Variants in RABL6 observed in about 807,000 individuals in gnomAD.
RABL6 encodes the protein RAB, member RAS oncogene family like 6.
Under a neutral mutation model 72.9 loss-of-function variants are expected in RABL6, and 28 were observed. That is an observed-to-expected ratio of 0.38 (90% CI 0.28 to 0.53). RABL6 has a LOEUF of 0.53. Ranked by LOEUF, RABL6 falls within the 20% of genes least tolerant of loss-of-function variation. The pLI is 0.80. For missense variants in RABL6, 1,029 were observed against 1,008.4 expected (o/e 1.02, Z -0.28); for synonymous variants, 477 against 421.2 (o/e 1.13, Z -1.62).
In RABL6 at chr9:136,826,325, A is replaced by G. The variant is rs756963316; in HGVS notation, c.313+499A>G. ...CATCGTTGGTCTCCTCCTCAGCCAC[A>G]AGGTCATGAGTTCCTCTAAGTCCTC... On this transcript the variant is annotated intron_variant, in intron 3 of 14. Coordinates refer to ENST00000311502, the MANE Select transcript of RABL6 (RefSeq NM_024718.5). This position sits in a 1 kb window ranked among gnomAD's most constrained non-coding sequence, Gnocchi z 4.9. Among the ~76,000 whole-genome samples, 1 of 152,074 alleles carries G rather than the reference A, an allele frequency of 6.6e-6. No homozygotes were observed. The highest frequency in any genetic ancestry group is 2.4e-5 in the African/African-American group (1 of 41,414).
intron 13 of RABL6, 82 bp downstream of exon 13, chr9:136,839,947 C>T (rs192407820): frequency 5.4e-5 from 82 of 1,530,136 alleles, no homozygotes; most frequent in African/African-American, 2.9e-4. Flanking sequence ...GGCCGCTGGC[C>T]GGGGTCCTCT....
chr9:136,831,783 T>TG lies in RABL6; in HGVS notation c.524dup (p.Asn176LysfsTer18). 6.2e-7 allele frequency: 1 copy of TG among 1,613,452 alleles called. No individual in the cohort carries two copies. The highest frequency in any genetic ancestry group is 8.5e-7 in the Non-Finnish European group (1 of 1,179,818). ...CCCACCCACGTGCCAGTGTGCGTGC[T>TG]GGGAAACTACCGGGACATGGGCGAG... On this transcript the variant is annotated frameshift_variant, in exon 6 of 15. Coordinates refer to ENST00000311502, the MANE Select transcript of RABL6 (RefSeq NM_024718.5). LOFTEE classifies it high-confidence loss of function.
chr9:136,815,146 C>G (rs1377692299), intron 1 of RABL6: 1 of 313,852 alleles, frequency 3.2e-6, no homozygotes, highest in African/African-American at 2.3e-5. Context: ...AGTCATCCTC[C>G]TCCTCATCGC....
At chr9:136,821,864 C>T (rs1206470021) in intron 1 of RABL6, 1 of 1,248,830 alleles carries the variant, frequency 8.0e-7, no homozygotes, top group Non-Finnish European at 1.0e-6. Context: ...AGCGCGGAGC[C>T]TCCTGGCTGC....
intron 5 of RABL6, among the ~76,000 whole-genome samples, chr9:136,829,838 C>T (rs1213266115): frequency 6.6e-6 from 1 of 152,240 alleles, no homozygotes; most frequent in African/African-American, 2.4e-5. Context: ...GTCTTCATGA[C>T]CTAGGAGGAC....
intron 3 of RABL6, 40 bp from the exon 4 acceptor site, chr9:136,828,454 A>C (rs1471633578): frequency 6.2e-7 from 1 of 1,608,582 alleles, no homozygotes; most frequent in Non-Finnish European, 8.5e-7. Context: ...CCCAAGGCCC[A>C]GGGGTTCCAC....
intron 7 of RABL6, chr9:136,833,615 C>T (rs1326062634): frequency 6.7e-7 from 1 of 1,487,642 alleles, no homozygotes; most frequent in Admixed American, 2.1e-5. Context: ...TGGGCTGCCC[C>T]AGCTGGGTCT....
intron 8 of RABL6, 112 bp downstream of exon 8, chr9:136,835,957 G>A: frequency 9.3e-7 from 1 of 1,069,604 alleles, no homozygotes; most frequent in Non-Finnish European, 1.4e-6. Context: ...CCCTGTTTGG[G>A]GTAAATTAGT....
intron 1 of RABL6, among the ~76,000 whole-genome samples, chr9:136,816,732 G>C (rs550760139): frequency 2.2e-4 from 31 of 141,924 alleles, no homozygotes; most frequent in South Asian, 7.4e-4. Flanking sequence ...AAAGGGGGGG[G>C]GGGTAATTTT....
Position 136,826,080 on chromosome 9 carries a change from G to A in RABL6, c.313+254G>A, listed in dbSNP as rs1848350294. The stretch of plus-strand genomic sequence containing the variant: ...GTGACCGCGTGCACGGTGGCGGCAG[G>A]TGCAGCCGGGGGGTGTGCTTTGAGC... On this transcript the variant is annotated intron_variant, in intron 3 of 14. Transcript: ENST00000311502. This position sits in a 1 kb window ranked among gnomAD's most constrained non-coding sequence, Gnocchi z 4.9. Among the ~76,000 whole-genome samples the A allele has an allele frequency of 6.6e-6, 1 of 152,322 alleles. No individual in the cohort carries two copies. The highest frequency in any genetic ancestry group is 1.9e-4 in the East Asian group (1 of 5,182).
chr9:136,828,260 ACTAGCAC>A (rs1564366199), intron 3 of RABL6: 1 of 529,186 alleles, frequency 1.9e-6, no homozygotes, highest in African/African-American at 1.9e-5. Flanking sequence ...GTCAGCCCCA[ACTAGCAC>A]CTCCTGTCCA....
In RABL6 at chr9:136,837,332, C is replaced by T; in HGVS notation, c.810-14C>T. ...CAGGGGAGCCAGGCTTCTCACCCGCCTTCTGCCTTTCAGCTTCCTGGAGAT... is the reference window on the plus strand; with the variant it reads ...CAGGGGAGCCAGGCTTCTCACCCGCTTTCTGCCTTTCAGCTTCCTGGAGAT... On this transcript the variant is annotated splice_polypyrimidine_tract_variant and intron_variant, in intron 8 of 14. Coordinates refer to ENST00000311502, the MANE Select transcript of RABL6 (RefSeq NM_024718.5). 1 of 1,599,384 alleles carries T rather than the reference C, an allele frequency of 6.3e-7. No individual in the cohort carries two copies. Among genetic ancestry groups the T allele is most frequent in the Non-Finnish European group, 8.5e-7 (1 of 1,173,930 alleles).
rs2131144972 is a variant in RABL6, at chr9:136,807,969, G to T, written c.-228G>T. 1.0e-6 allele frequency: 1 copy of T among 1,003,546 alleles called. No individual in the cohort carries two copies. Among genetic ancestry groups the T allele is most frequent in the East Asian group, 1.1e-4 (1 of 9,488 alleles). The allele number at this position is 1,003,546 out of a possible 1,614,324, so 62.2% of individuals were successfully genotyped here. A position where few individuals can be genotyped will look rare whatever the true frequency, so the allele number is the denominator to read the frequency against. On this transcript the variant is annotated 5_prime_UTR_variant, in exon 1 of 15. Coordinates refer to ENST00000311502, the MANE Select transcript of RABL6 (RefSeq NM_024718.5). The stretch of plus-strand genomic sequence containing the variant: ...GCCAAGATGGCGGCGCTGACTCCTG[G>T]AGAGCGGTCGCGCCGGAGGCCGCGG...
At chr9:136,811,344 G>A (rs200129020) in intron 1 of RABL6, among the ~76,000 whole-genome samples, 1 of 152,046 alleles carries the variant, frequency 6.6e-6, no homozygotes, top group African/African-American at 2.4e-5. Context: ...TTTGCCGGGC[G>A]CGGTGGCTCA....
chr9:136,824,912 C>T (rs1377947786), intron 2 of RABL6, among the ~76,000 whole-genome samples: 3 of 152,226 alleles, frequency 2.0e-5, no homozygotes, highest in Admixed American at 6.5e-5. Flanking sequence ...AGCGTTCATG[C>T]CCCTCTGCTC....
intron 2 of RABL6, 86 bp from the exon 3 acceptor site, chr9:136,825,693 C>A: frequency 1.4e-6 from 2 of 1,447,726 alleles, no homozygotes; most frequent in Non-Finnish European, 1.9e-6. Flanking sequence ...GGCTGCGGGG[C>A]ACAGACAACC....
At chr9:136,833,455 GA>G in intron 7 of RABL6, 1 of 475,090 alleles carries the variant, frequency 2.1e-6, no homozygotes. Context: ...GGGTCTGGGG[GA>G]CCTGTACCTC....
At chr9:136,821,258 G>A in intron 1 of RABL6, 1 of 921,666 alleles carries the variant, frequency 1.1e-6, no homozygotes, top group Non-Finnish European at 1.3e-6. Context: ...ACGTCAGCGC[G>A]TTGGTTCTGG....
rs375209519 is a variant in RABL6, at chr9:136,828,566, T to G, written c.366+20T>G. On this transcript the variant is annotated intron_variant, in intron 4 of 14. Transcript: ENST00000311502. ...CAGGAGGTGAGTGCCAGGTACACAG[T>G]GGGTAGCAGTGGCTCAGGGCCCCGG... 2 of 1,611,730 alleles carry G rather than the reference T, an allele frequency of 1.2e-6. No homozygotes were observed. Among genetic ancestry groups the G allele is most frequent in the African/African-American group, 2.7e-5 (2 of 74,878 alleles).
Sources: allele counts gnomAD v4.1 joint callset (sites outside exome capture counted in the v4.1 genomes callset), GRCh38; gene constraint gnomAD v4.1.1; non-coding constraint Gnocchi (gnomAD v3.1); transcripts MANE v1.5; gene names NCBI Gene and HGNC (gene_info 2026-07-23, HGNC 2026-07-21).